The following DYNC1LI1 variants were observed in gnomAD, a reference collection of about 807,000 sequenced individuals.
DYNC1LI1 encodes the protein dynein cytoplasmic 1 light intermediate chain 1, also known as cytoplasmic dynein 1 light intermediate chain 1.
DYNC1LI1 carries 19 observed loss-of-function variants against 63.8 expected under a neutral mutation model. The observed-to-expected ratio is 0.30, with a 90% CI of 0.21 to 0.44. The LOEUF is 0.44. Ranked by LOEUF, DYNC1LI1 falls within the 20% of genes least tolerant of loss-of-function variation. The pLI is 1.00. For synonymous variants in DYNC1LI1, 225 were observed against 232.3 expected, an observed-to-expected ratio of 0.97 and a Z score of 0.28; for missense variants, 565 against 630.2, an observed-to-expected ratio of 0.90 and a Z score of 1.11.
chr3:32,570,231 C>A, intron 2 of DYNC1LI1, 115 bp downstream of exon 2: 3 of 866,630 alleles, frequency 3.5e-6, no homozygotes, highest in Non-Finnish European at 5.6e-6. Flanking sequence ...GGAGGCGAGG[C>A]GGGGCGGGGC....
chr3:32,540,769 CTGAT>C (rs377133039), intron 5 of DYNC1LI1, among the ~76,000 whole-genome samples: 2 of 151,096 alleles, frequency 1.3e-5, no homozygotes, highest in African/African-American at 2.4e-5. Context: ...TTCTACTAAA[CTGAT>C]TGATCATACA....
At chr3:32,566,173 G>A (rs961857812) in intron 2 of DYNC1LI1, among the ~76,000 whole-genome samples, 4 of 152,098 alleles carry the variant, frequency 2.6e-5, no homozygotes. Context: ...TTAGGAGGCT[G>A]AGGCAGGAGG....
chr3:32,551,486 G>GT, intron 2 of DYNC1LI1, among the ~76,000 whole-genome samples: 1 of 152,308 alleles, frequency 6.6e-6, no homozygotes, highest in African/African-American at 2.4e-5. Context: ...AGCTGAGAAG[G>GT]TCAGACTATT....
chr3:32,550,742 C>G (rs542310497), intron 2 of DYNC1LI1, among the ~76,000 whole-genome samples: 2 of 152,304 alleles, frequency 1.3e-5, no homozygotes, highest in Admixed American at 1.3e-4. Flanking sequence ...CCCTTAGTTT[C>G]TAATCCAGTA....
At chr3:32,534,075 C>T (rs567918462) in intron 7 of DYNC1LI1, among the ~76,000 whole-genome samples, 3 of 151,564 alleles carry the variant, frequency 2.0e-5, no homozygotes, top group South Asian at 2.1e-4. Context: ...GAGGGGGTTT[C>T]GCCATGTTGG....
intron 2 of DYNC1LI1, among the ~76,000 whole-genome samples, chr3:32,560,414 C>T (rs1021183673): frequency 6.6e-5 from 10 of 152,142 alleles, no homozygotes; most frequent in Admixed American, 6.5e-4. Flanking sequence ...GCCTGGGCAA[C>T]ACAGTAAGAC....
Position 32,530,882 on chromosome 3 carries a change from C to T in DYNC1LI1, c.1081-362G>A, listed in dbSNP as rs1030785587. 6.2e-5 allele frequency: 11 copies of T among 178,332 alleles called. No individual in the cohort carries two copies. The Admixed American group carries it at 6.3e-4, about 10-fold the overall frequency. 11.0% of individuals were successfully genotyped at this position (178,332 alleles called of 1,614,324 possible). A position where few individuals can be genotyped will look rare whatever the true frequency, so the allele number is the denominator to read the frequency against. On this transcript the variant is annotated intron_variant, in intron 8 of 12. Coordinates refer to ENST00000273130, the MANE Select transcript of DYNC1LI1 (RefSeq NM_016141.4). The stretch of plus-strand genomic sequence containing the variant: ...TGGCTACCGTATTGAACAGCACAAC[C>T]CTAGAGTCACAAGCATATTAATCAT...
At chr3:32,566,949 A>G (rs1324863761) in intron 2 of DYNC1LI1, among the ~76,000 whole-genome samples, 1 of 152,248 alleles carries the variant, frequency 6.6e-6, no homozygotes, top group Admixed American at 6.5e-5. Flanking sequence ...AGAAGAGTTA[A>G]TATCATAGAC....
Position 32,533,045 on chromosome 3 carries a change from G to C in DYNC1LI1, c.1021C>G (p.Gln341Glu), listed in dbSNP as rs371388474. 2 of 1,603,610 alleles carry C rather than the reference G, an allele frequency of 1.2e-6. No homozygotes were observed. Among genetic ancestry groups the C allele is most frequent in the Non-Finnish European group, 1.7e-6 (2 of 1,177,648 alleles). Residue 341 changes from glutamine to glutamate, a missense_variant, in exon 8 of 13, where the codon CAA becomes GAA. Gln to Glu is a conservative substitution (Grantham distance 29). Transcript: ENST00000273130. ...KKIGILHENFQTLKAEDNFED... is the reference protein window; with the variant it reads ...KKIGILHENFETLKAEDNFED... The stretch of plus-strand genomic sequence containing the variant: ...AAATTATCTTCTGCTTTTAATGTTT[G>C]AAAATTTTCATGTAATATTCCTATT...
chr3:32,557,335 A>G (rs342730), intron 2 of DYNC1LI1, among the ~76,000 whole-genome samples: 84,755 of 151,584 alleles, frequency 0.56, 24,136 homozygotes, highest in African/African-American at 0.65. Context: ...GGCCAACATG[A>G]CGAAACCCTA....
intron 3 of DYNC1LI1, 88 bp downstream of exon 3, chr3:32,545,761 T>C: frequency 1.1e-6 from 1 of 883,666 alleles, no homozygotes; most frequent in Non-Finnish European, 1.9e-6. Flanking sequence ...TAGTAAAAAA[T>C]TACACACTAA....
chr3:32,537,141 A>AATAATC (rs1697785832), intron 5 of DYNC1LI1, 37 bp from the exon 6 acceptor site: 3 of 1,169,000 alleles, frequency 2.6e-6, no homozygotes, highest in Non-Finnish European at 3.6e-6. Context: ...ATACATTTAA[A>AATAATC]ATAATCATAA....
chr3:32,547,886 G>A (rs989969175), intron 2 of DYNC1LI1, among the ~76,000 whole-genome samples: 2 of 152,066 alleles, frequency 1.3e-5, no homozygotes, highest in Non-Finnish European at 2.9e-5. Flanking sequence ...CAAATGAATA[G>A]ATAAGGAAAA....
At chr3:32,552,066 A>C (rs911812555) in intron 2 of DYNC1LI1, among the ~76,000 whole-genome samples, 3 of 152,178 alleles carry the variant, frequency 2.0e-5, no homozygotes, top group Admixed American at 6.5e-5. Flanking sequence ...TCATCTTGCC[A>C]CTTCCCCCAA....
At chr3:32,560,342 A>G (rs917577990) in intron 2 of DYNC1LI1, among the ~76,000 whole-genome samples, 3 of 152,180 alleles carry the variant, frequency 2.0e-5, no homozygotes, top group African/African-American at 7.2e-5. Flanking sequence ...CTGAGGCAGG[A>G]GAATCACTTG....
In DYNC1LI1 at chr3:32,538,007, TAATA is replaced by T. The variant is rs1345714779; in HGVS notation, c.739-907_739-904del. 2.5e-4 allele frequency among the ~76,000 whole-genome samples: 10 copies of T among 39,692 alleles called. 1 individual carries two copies. Among genetic ancestry groups the T allele is most frequent in the African/African-American group, 1.1e-3 (7 of 6,490 alleles). 26.0% of individuals were successfully genotyped at this position (39,692 alleles called of 152,430 possible). ...AATATATATATATAATTTATATATA[TAATA>T]TATATATATAATTTATATATATAAT... On this transcript the variant is annotated intron_variant, in intron 5 of 12. Transcript: ENST00000273130.
At chr3:32,531,854 G>A (rs1007252578) in intron 8 of DYNC1LI1, 1 of 152,080 alleles carries the variant, frequency 6.6e-6, no homozygotes. Flanking sequence ...AAATGCTTGC[G>A]ACCAGAAGTG....
Position 32,570,696 on chromosome 3 carries a change from G to T in DYNC1LI1, c.75C>A (p.Pro25=). 1.2e-6 allele frequency: 2 copies of T among 1,608,934 alleles called. No individual in the cohort carries two copies. Among genetic ancestry groups the T allele is most frequent in the South Asian group, 2.2e-5 (2 of 90,436 alleles). ...PGLSSTYTGG[P]LGNEIASGNG... ...TGCCCGACGCTATCTCGTTGCCCAA[G>T]GGGCCGCCAGTGTAAGTCGAGGATA... The change falls in exon 1 of 13, where the codon CCC becomes CCA. Residue 25 remains proline, a synonymous_variant. Transcript: ENST00000273130.
At chr3:32,537,974 T>TATA (rs67867004) in intron 5 of DYNC1LI1, among the ~76,000 whole-genome samples, 3 of 20,536 alleles carry the variant, frequency 1.5e-4, no homozygotes, top group African/African-American at 8.5e-4. Flanking sequence ...ATATATATAT[T>TATA]TATATATAAT....
Sources: gnomAD v4.1 joint callset for allele counts (sites outside exome capture counted in the v4.1 genomes callset) on GRCh38, gnomAD v4.1.1 for gene constraint, MANE v1.5 for transcripts, NCBI Gene and HGNC (gene_info 2026-07-23, HGNC 2026-07-21) for gene names.